The following PLXDC2 variants were observed in gnomAD, a reference collection of about 807,000 sequenced individuals.
PLXDC2 encodes the protein plexin domain containing 2.
In PLXDC2, 40 loss-of-function variants were observed where a neutral mutation model predicts 68.9. The ratio of observed to expected loss-of-function variants is 0.58; its 90% confidence interval spans 0.45 to 0.76. The LOEUF is 0.76. PLXDC2 is among the 30% of genes least tolerant of loss of function. PLXDC2 has a pLI of 0.00. For synonymous variants in PLXDC2, 243 were observed against 234.2 expected (o/e 1.04, Z -0.34); for missense variants, 644 against 661.9 (o/e 0.97, Z 0.30).
chr10:19,929,328 C>T (rs1294541480), intron 1 of PLXDC2, among the ~76,000 whole-genome samples: 1 of 152,006 alleles, frequency 6.6e-6, no homozygotes, highest in Non-Finnish European at 1.5e-5. Context: ...TGATTCATAC[C>T]CAACCCTCAG....
intron 1 of PLXDC2, among the ~76,000 whole-genome samples, chr10:19,826,481 A>C (rs1836572841): frequency 2.6e-5 from 4 of 152,206 alleles, no homozygotes; most frequent in Non-Finnish European, 1.5e-5. Flanking sequence ...TCATACAAGA[A>C]AAATTTGAAG....
intron 2 of PLXDC2, among the ~76,000 whole-genome samples, chr10:20,002,447 A>G (rs1443047602): frequency 6.6e-6 from 1 of 152,000 alleles, no homozygotes; most frequent in East Asian, 1.9e-4. Flanking sequence ...TTTAGTAGAG[A>G]TGGCATTTCA....
intron 1 of PLXDC2, among the ~76,000 whole-genome samples, chr10:19,882,777 G>T (rs909474583): frequency 1.3e-5 from 2 of 152,112 alleles, no homozygotes; most frequent in Non-Finnish European, 2.9e-5. Flanking sequence ...TTCTGACAAG[G>T]CCAGCGAAGA....
rs868327648 is a variant in PLXDC2 at position 20,266,363 on chromosome 10, G to A, written c.1474-13340G>A. Among the ~76,000 whole-genome samples, 510 of 128,492 alleles carry A rather than the reference G, an allele frequency of 4.0e-3. 1 individual carries two copies. Among genetic ancestry groups the A allele is most frequent in the Middle Eastern group, 0.013 (3 of 230 alleles). The allele number at this position is 128,492 out of a possible 152,430, so 84.3% of individuals were successfully genotyped here. A position where few individuals can be genotyped will look rare whatever the true frequency, so the allele number is the denominator to read the frequency against. ...AATGTAAATTAATGAAATTGTTGGGGAAAAAAAAAAAAACGTAATGACAGA... is the reference window on the plus strand; with the variant it reads ...AATGTAAATTAATGAAATTGTTGGGAAAAAAAAAAAAAACGTAATGACAGA... On this transcript the variant is annotated intron_variant, in intron 13 of 13. Transcript: ENST00000377252.
At chr10:19,847,787 A>C (rs1837037295) in intron 1 of PLXDC2, among the ~76,000 whole-genome samples, 2 of 152,164 alleles carry the variant, frequency 1.3e-5, no homozygotes, top group African/African-American at 2.4e-5. Flanking sequence ...CACCACTATC[A>C]CATAGAGTCT....
chr10:20,236,723 G>C (rs192386332), intron 12 of PLXDC2, among the ~76,000 whole-genome samples: 1 of 151,936 alleles, frequency 6.6e-6, no homozygotes, highest in Non-Finnish European at 1.5e-5. Context: ...TTTTCTTAAA[G>C]ACAGGGTCTT....
intron 1 of PLXDC2, among the ~76,000 whole-genome samples, chr10:19,941,288 C>T (rs1833814973): frequency 6.6e-6 from 1 of 152,206 alleles, no homozygotes; most frequent in Non-Finnish European, 1.5e-5. Flanking sequence ...CCCTCCCACA[C>T]ATGGATCCCT....
intron 2 of PLXDC2, among the ~76,000 whole-genome samples, chr10:20,021,513 C>A (rs981553353): frequency 1.3e-5 from 2 of 151,792 alleles, no homozygotes; most frequent in African/African-American, 2.4e-5. Flanking sequence ...CAATTCTTAG[C>A]CAAATTTTTC....
chr10:19,821,241 G>A (rs117148556), intron 1 of PLXDC2, among the ~76,000 whole-genome samples: 2,593 of 152,210 alleles, frequency 0.017, 28 homozygotes, highest in Non-Finnish European at 0.021. Flanking sequence ...GTTCTTGAAA[G>A]CTCTCACCAG....
At chr10:20,212,898 T>C (rs945676844) in intron 10 of PLXDC2, among the ~76,000 whole-genome samples, 4 of 151,752 alleles carry the variant, frequency 2.6e-5, no homozygotes, top group Non-Finnish European at 5.9e-5. Flanking sequence ...TTCTTTCATA[T>C]AATCAGTTAC....
intron 6 of PLXDC2, among the ~76,000 whole-genome samples, chr10:20,148,214 G>A (rs1834104379): frequency 6.6e-6 from 1 of 151,244 alleles, no homozygotes; most frequent in African/African-American, 2.4e-5. Flanking sequence ...CAATTTGGAG[G>A]GATTTCTCAT....
intron 6 of PLXDC2, among the ~76,000 whole-genome samples, chr10:20,161,676 A>G (rs1215469503): frequency 1.3e-5 from 2 of 151,908 alleles, no homozygotes; most frequent in South Asian, 4.2e-4. Context: ...GAGATTGAGG[A>G]AAAAAAATAA....
chr10:19,864,760 G>A (rs930837383), intron 1 of PLXDC2, among the ~76,000 whole-genome samples: 9 of 152,196 alleles, frequency 5.9e-5, no homozygotes, highest in African/African-American at 2.2e-4. Context: ...CAGGTAAGTG[G>A]ACTGGGCAAA....
At chr10:20,173,219 A>G (rs1158476907) in intron 7 of PLXDC2, among the ~76,000 whole-genome samples, 1 of 152,226 alleles carries the variant, frequency 6.6e-6, no homozygotes, top group African/African-American at 2.4e-5. Flanking sequence ...GAAAAGAAAT[A>G]AGATACAACC....
intron 1 of PLXDC2, among the ~76,000 whole-genome samples, chr10:19,849,647 A>G (rs1837078950): frequency 6.6e-6 from 1 of 152,110 alleles, no homozygotes; most frequent in Middle Eastern, 3.4e-3. Context: ...TTCCACCATG[A>G]TTGTAAGTTT....
chr10:19,983,388 T>C (rs952504405), intron 1 of PLXDC2, among the ~76,000 whole-genome samples: 1 of 152,198 alleles, frequency 6.6e-6, no homozygotes, highest in Non-Finnish European at 1.5e-5. Context: ...CGTTCTTACA[T>C]TGATATATGT....
intron 9 of PLXDC2, among the ~76,000 whole-genome samples, chr10:20,180,901 A>G (rs1165493526): frequency 6.6e-6 from 1 of 152,004 alleles, no homozygotes; most frequent in East Asian, 1.9e-4. Flanking sequence ...AATCACTTTC[A>G]ACTGTACCTT....
intron 3 of PLXDC2, among the ~76,000 whole-genome samples, chr10:20,067,952 C>T (rs7912561): frequency 1.3e-5 from 2 of 152,066 alleles, no homozygotes; most frequent in South Asian, 2.1e-4. Flanking sequence ...ACTAAAATGC[C>T]GTGGTGATGT....
intron 3 of PLXDC2, 104 bp downstream of exon 3, chr10:20,047,119 G>A: frequency 8.3e-7 from 1 of 1,209,004 alleles, no homozygotes; most frequent in East Asian, 2.6e-5. Flanking sequence ...TTAAATATTA[G>A]AATGGCCTTA....
Sources: allele counts gnomAD v4.1 joint callset (sites outside exome capture counted in the v4.1 genomes callset), GRCh38; gene constraint gnomAD v4.1.1; transcripts MANE v1.5; gene names NCBI Gene and HGNC (gene_info 2026-07-23, HGNC 2026-07-21).